Variants in FBRSL1 observed in about 807,000 individuals in gnomAD.
FBRSL1 encodes the protein fibrosin like 1.
Under a neutral mutation model 89.6 loss-of-function variants are expected in FBRSL1, and 51 were observed. The observed-to-expected ratio is 0.57, with a 90% CI of 0.45 to 0.72. FBRSL1 has a LOEUF of 0.72. FBRSL1 is among the 30% of genes least tolerant of loss of function. The probability of loss-of-function intolerance (pLI) is 0.00; values close to 1 mark genes in which losing one functional copy is unlikely to be tolerated. For missense variants in FBRSL1, 1,618 were observed against 1,451.8 expected, an observed-to-expected ratio of 1.11 and a Z score of -1.86; for synonymous variants, 779 against 681.1, an observed-to-expected ratio of 1.14 and a Z score of -2.24.
intron 1 of FBRSL1, among the ~76,000 whole-genome samples, chr12:132,502,900 C>T (rs992710770): frequency 6.7e-6 from 1 of 149,306 alleles, no homozygotes; most frequent in Non-Finnish European, 1.5e-5. Context: ...TGTCCACCTG[C>T]CGTGCCCCCT....
rs548265861 is a variant in FBRSL1, at chr12:132,506,952, C to G, written c.292-1201C>G. ...AGGGGGCCCGGAAACGCTGCTGGGC[C>G]TCTCAGGGCCTCCAGCTCAGACTGG... On this transcript the variant is annotated intron_variant, in intron 1 of 18. Transcript: ENST00000680143. The G allele has an allele frequency of 1.2e-3, 189 of 153,154 alleles. 2 individuals carry two copies. The highest frequency in any genetic ancestry group is 2.4e-3 in the Non-Finnish European group (166 of 68,734). The allele number at this position is 153,154 out of a possible 1,614,324, so 9.5% of individuals were successfully genotyped here.
chr12:132,573,064 G>A (rs1005875214), intron 11 of FBRSL1, among the ~76,000 whole-genome samples: 2 of 152,228 alleles, frequency 1.3e-5, no homozygotes, highest in East Asian at 1.9e-4. Context: ...ACACCCGCAG[G>A]GGACCTGGGT....
chr12:132,527,377 C>T (rs1051049263), intron 3 of FBRSL1, among the ~76,000 whole-genome samples: 6 of 152,196 alleles, frequency 3.9e-5, no homozygotes, highest in Admixed American at 6.5e-5. Context: ...GGAGCCTCCT[C>T]GGGTTTGGAT....
At chr12:132,520,228 A>AC (rs1271846534) in intron 2 of FBRSL1, among the ~76,000 whole-genome samples, 2 of 131,548 alleles carry the variant, frequency 1.5e-5, no homozygotes, top group African/African-American at 5.9e-5. Flanking sequence ...CCCTCCTTGC[A>AC]CCCTCCAGCA....
intron 9 of FBRSL1, 41 bp from the exon 10 acceptor site, chr12:132,572,247 T>A (rs2040077384): frequency 2.0e-6 from 3 of 1,537,392 alleles, no homozygotes; most frequent in Non-Finnish European, 2.6e-6. Context: ...AGCAACGGTG[T>A]CGTGTGTGCG....
chr12:132,581,150 G>A (rs1307009572), intron 15 of FBRSL1: 8 of 985,332 alleles, frequency 8.1e-6, no homozygotes, highest in Non-Finnish European at 9.6e-6. Flanking sequence ...CTCTGCCCAA[G>A]TTGCAGCCCC....
rs569812518 is a variant in FBRSL1, at chr12:132,575,967, T to G, written c.1702-832T>G. On this transcript the variant is annotated intron_variant, in intron 14 of 18. Transcript: ENST00000680143. ...CTGGCTCTGGGCCCCTCTGCTCCCA[T>G]GGGAGGGCATGGGCATCCCCAGTCT... Among the ~76,000 whole-genome samples, 7 of 152,322 alleles carry G rather than the reference T, an allele frequency of 4.6e-5. No homozygotes were observed. In the East Asian group the frequency reaches 1.3e-3, roughly 29 times the overall value.
In FBRSL1 at chr12:132,545,909, C is replaced by G. The variant is rs375218252; in HGVS notation, c.616-2094C>G. Among the ~76,000 whole-genome samples the G allele has an allele frequency of 1.2e-4, 19 of 152,304 alleles. No homozygotes were observed. The South Asian group carries it at 3.1e-3, about 25-fold the overall frequency. ...GGTCCCCAGAAATCCCACTGTGAGG[C>G]TAGAAGGGCACCTGACTCCCCTGCA... On this transcript the variant is annotated intron_variant, in intron 4 of 18. Transcript: ENST00000680143.
intron 4 of FBRSL1, among the ~76,000 whole-genome samples, chr12:132,540,344 TCA>T (rs2037156611): frequency 1.3e-5 from 1 of 77,036 alleles, no homozygotes; most frequent in African/African-American, 5.3e-5. Context: ...CAGCCCTCTC[TCA>T]GTTGACCCCA....
Position 132,570,484 on chromosome 12 carries a change from TGCCCCCGCCCCCGGC to T in FBRSL1, c.1160_1174del (p.Pro387_Ala391del). ...GCCATGTTTGCCGCACCCCCGACAC[TGCCCCCGCCCCCGGC>T]GCTGCCGGCCAGCAGCCTGGTCCTC... On this transcript the variant is annotated inframe_deletion, in exon 8 of 19. Transcript: ENST00000680143. 2.0e-6 allele frequency: 3 copies of T among 1,529,020 alleles called. No individual in the cohort carries two copies. The highest frequency in any genetic ancestry group is 2.6e-6 in the Non-Finnish European group (3 of 1,143,306). 94.7% of individuals were successfully genotyped at this position (1,529,020 alleles called of 1,614,324 possible).
chr12:132,583,286 C>G lies in FBRSL1; in HGVS notation c.2517C>G (p.Gly839=). The change falls in exon 19 of 19, where the codon GGC becomes GGG. Residue 839 remains glycine (G), a synonymous_variant. Transcript: ENST00000680143. ...GGLHPAPLQL[G]LGRERLGAPG... Reference sequence around the variant, plus strand: ...TGCACCCCGCGCCCCTGCAGCTCGGCCTGGGCCGCGAGCGCCTGGGCGCGC... The same window carrying G: ...TGCACCCCGCGCCCCTGCAGCTCGGGCTGGGCCGCGAGCGCCTGGGCGCGC... 8.7e-7 allele frequency: 1 copy of G among 1,151,426 alleles called. No individual in the cohort carries two copies. Among genetic ancestry groups the G allele is most frequent in the Non-Finnish European group, 1.1e-6 (1 of 908,398 alleles). 71.3% of individuals were successfully genotyped at this position (1,151,426 alleles called of 1,614,324 possible).
intron 4 of FBRSL1, among the ~76,000 whole-genome samples, chr12:132,539,709 C>A (rs1217168603): frequency 5.5e-5 from 6 of 108,806 alleles, no homozygotes; most frequent in Non-Finnish European, 7.5e-5. Flanking sequence ...CCATGCCCAC[C>A]CAGTCCAGTC....
intron 4 of FBRSL1, 95 bp from the exon 5 acceptor site, chr12:132,547,908 C>A: frequency 7.2e-7 from 1 of 1,382,248 alleles, no homozygotes; most frequent in South Asian, 1.3e-5. Flanking sequence ...CAGGGCCGCC[C>A]CACCCGTGCC....
At chr12:132,526,549 T>C (rs2035804434) in intron 3 of FBRSL1, among the ~76,000 whole-genome samples, 1 of 152,138 alleles carries the variant, frequency 6.6e-6, no homozygotes, top group Non-Finnish European at 1.5e-5. Flanking sequence ...CCTTGGGCTC[T>C]GTCCCCTGAC....
rs1261070316 is a variant in FBRSL1 at position 132,584,847 on chromosome 12, CACACAA to C, written c.*1071_*1076del. On this transcript the variant is annotated 3_prime_UTR_variant, in exon 19 of 19. Coordinates refer to ENST00000680143, the MANE Select transcript of FBRSL1 (RefSeq NM_001367871.1). The stretch of plus-strand genomic sequence containing the variant: ...ACACACACACACACACACACACACA[CACACAA>C]AATCACTGCTGTGTGTTTTCTTCCG... The C allele has an allele frequency of 7.3e-5, 11 of 151,564 alleles. No individual in the cohort carries two copies. Among genetic ancestry groups the C allele is most frequent in the Non-Finnish European group, 1.3e-4 (9 of 68,118 alleles). The allele number at this position is 151,564 out of a possible 1,614,324, so 9.4% of individuals were successfully genotyped here. A position where few individuals can be genotyped will look rare whatever the true frequency, so the allele number is the denominator to read the frequency against.
intron 4 of FBRSL1, among the ~76,000 whole-genome samples, chr12:132,538,330 A>G (rs1265823163): frequency 1.3e-5 from 2 of 152,328 alleles, no homozygotes; most frequent in African/African-American, 4.8e-5. Context: ...CTGGGGCCAG[A>G]GGCAGGGGTG....
At chr12:132,578,955 C>T (rs142232054) in intron 15 of FBRSL1, among the ~76,000 whole-genome samples, 3 of 152,378 alleles carry the variant, frequency 2.0e-5, no homozygotes, top group South Asian at 2.1e-4. Context: ...TCTGGCTGTC[C>T]GCATCCTGGC....
chr12:132,568,578 G>C (rs1029162454), intron 6 of FBRSL1, among the ~76,000 whole-genome samples: 1 of 152,284 alleles, frequency 6.6e-6, no homozygotes, highest in Non-Finnish European at 1.5e-5. Context: ...GTGAGGGCTG[G>C]AGGTGCTAGA....
chr12:132,584,465 T>C lies in FBRSL1; in HGVS notation c.*687T>C, dbSNP rs556971211. On this transcript the variant is annotated 3_prime_UTR_variant, in exon 19 of 19. Coordinates refer to ENST00000680143, the MANE Select transcript of FBRSL1 (RefSeq NM_001367871.1). ...GTTTCCAGAAACCCCTCTGGTTGTTTGTCTAACATGGTCACAAAAACCCAG... is the reference window on the plus strand; with the variant it reads ...GTTTCCAGAAACCCCTCTGGTTGTTCGTCTAACATGGTCACAAAAACCCAG... 5 of 152,260 alleles carry C rather than the reference T, an allele frequency of 3.3e-5. No individual in the cohort carries two copies. Among genetic ancestry groups the C allele is most frequent in the Non-Finnish European group, 4.4e-5 (3 of 68,048 alleles). The allele number at this position is 152,260 out of a possible 1,614,324, so 9.4% of individuals were successfully genotyped here.
Sources: allele counts gnomAD v4.1 joint callset (sites outside exome capture counted in the v4.1 genomes callset), GRCh38; gene constraint gnomAD v4.1.1; transcripts MANE v1.5; gene names NCBI Gene and HGNC (gene_info 2026-07-23, HGNC 2026-07-21).